Variants in MIEF2 observed in about 807,000 individuals in gnomAD.
MIEF2 encodes the protein mitochondrial dynamics protein MID49.
A neutral mutation model predicts 7.4 loss-of-function variants in MIEF2; 1 was observed. The observed-to-expected ratio is 0.14, with a 90% confidence interval of 0.05 to 0.64. MIEF2 has a LOEUF of 0.64. Ranked by LOEUF, MIEF2 falls within the 30% of genes least tolerant of loss-of-function variation. The pLI, the probability that MIEF2 is intolerant of heterozygous loss-of-function variation, is 0.85. For synonymous variants in MIEF2, 275 were observed against 290.5 expected, an observed-to-expected ratio of 0.95 and a Z score of 0.54; for missense variants, 569 against 623.9, an observed-to-expected ratio of 0.91 and a Z score of 0.94.
chr17:18,264,567 G>A lies in MIEF2; in HGVS notation c.1168G>A (p.Val390Met), dbSNP rs140156245. 534 of 1,610,764 alleles carry A rather than the reference G, an allele frequency of 3.3e-4. 1 individual carries two copies. The highest frequency in any genetic ancestry group is 4.2e-4 in the Non-Finnish European group (493 of 1,179,978). Reference protein sequence around the residue: ...QVVLRLGEDNVDWTEEALGER... With the variant: ...QVVLRLGEDNMDWTEEALGER... ...GGTCCTGCGTCTGGGGGAGGACAAC[G>A]TGGATTGGACGGAGGAGGCCTTGGG... The change falls in exon 4 of 4, where the codon GTG becomes ATG. Residue 390 changes from valine (V) to methionine (M), a missense_variant. Transcript: ENST00000323019.
chr17:18,263,565 T>C, intron 3 of MIEF2, 145 bp from the exon 4 acceptor site: 3 of 1,134,142 alleles, frequency 2.6e-6, no homozygotes, highest in Non-Finnish European at 3.7e-6. Flanking sequence ...TCACTATATG[T>C]GAGGATCTGA....
intron 1 of MIEF2, among the ~76,000 whole-genome samples, chr17:18,261,876 C>T (rs562586720): frequency 1.3e-5 from 2 of 152,370 alleles, no homozygotes; most frequent in Admixed American, 6.5e-5. Context: ...CACTGGGCAG[C>T]CCTTTCTGCC....
At position 18,264,577 on chromosome 17, in the gene MIEF2, C is replaced by T. The variant is rs771744645; in HGVS notation, c.1178C>T (p.Thr393Met). ...CTGGGGGAGGACAACGTGGATTGGA[C>T]GGAGGAGGCCTTGGGTGAGCGCTTC... ...LRLGEDNVDW[T>M]EEALGERFLQ... The change falls in exon 4 of 4, where the codon ACG becomes ATG. Residue 393 changes from threonine to methionine, a missense_variant. By Grantham distance (81) the Thr-to-Met change is moderately conservative. Coordinates refer to ENST00000323019, the MANE Select transcript of MIEF2 (RefSeq NM_139162.4). 3.8e-5 allele frequency: 62 copies of T among 1,610,672 alleles called. No homozygotes were observed. The highest frequency in any genetic ancestry group is 4.5e-5 in the Non-Finnish European group (53 of 1,179,976).
intron 1 of MIEF2, chr17:18,261,239 C>G (rs2142900949): frequency 1.3e-6 from 2 of 1,496,890 alleles, no homozygotes; most frequent in Middle Eastern, 1.7e-4. Context: ...AGTATTGATC[C>G]CCGAGTCACC....
In MIEF2 at chr17:18,264,460, G is replaced by A. The variant is rs3751981; in HGVS notation, c.1061G>A (p.Arg354Gln). 5.2e-5 allele frequency: 84 copies of A among 1,603,020 alleles called. 1 individual carries two copies. The highest frequency in any genetic ancestry group is 2.0e-4 in the East Asian group (9 of 44,884). Residue 354 changes from arginine to glutamine, a missense_variant, in exon 4 of 4, where the codon CGG (arginine) becomes CAG (glutamine). Physicochemically the swap from Arg to Gln is conservative, Grantham distance 43. Coordinates refer to ENST00000323019, the MANE Select transcript of MIEF2 (RefSeq NM_139162.4). The stretch of plus-strand genomic sequence containing the variant: ...GACGACCATGACGCTGGGACTCGCC[G>A]GCGGCTGCTGCTGCTGCTGTGTGCT... ...ALDDHDAGTR[R>Q]RLLLLLCAVC... is the part of the protein sequence containing the mutation.
At position 18,264,153 on chromosome 17, in the gene MIEF2, C is replaced by A. The variant is rs376412729; in HGVS notation, c.754C>A (p.Arg252Ser). The A allele has an allele frequency of 5.7e-6, 9 of 1,570,912 alleles. No individual in the cohort carries two copies. Among genetic ancestry groups the A allele is most frequent in the Non-Finnish European group, 6.9e-6 (8 of 1,163,590 alleles). The stretch of plus-strand genomic sequence containing the variant: ...CCTGGTCGGGGGCTACCTCTCCTCC[C>A]GCGTCCTGCTGGAGCTACTCCGCAA... The part of the protein sequence containing the change: ...RFLVGGYLSS[R>S]VLLELLRKAL... Residue 252 changes from arginine (R) to serine (S), a missense_variant, in exon 4 of 4, where the codon CGC (arginine) becomes AGC (serine). Transcript: ENST00000323019.
chr17:18,262,443 C>T (rs1978463728), intron 1 of MIEF2, among the ~76,000 whole-genome samples: 1 of 152,158 alleles, frequency 6.6e-6, no homozygotes, highest in Non-Finnish European at 1.5e-5. Flanking sequence ...CCCTCATCTC[C>T]TCATGAGAGA....
Position 18,264,593 on chromosome 17 carries a change from T to C in MIEF2, c.1194T>C (p.Gly398=), listed in dbSNP as rs751936782. 7 of 1,610,692 alleles carry C rather than the reference T, an allele frequency of 4.3e-6. No individual in the cohort carries two copies. The highest frequency in any genetic ancestry group is 5.9e-6 in the Non-Finnish European group (7 of 1,179,986). Residue 398 remains glycine (G), a synonymous_variant, in exon 4 of 4, where the codon GGT becomes GGC. Transcript: ENST00000323019. ...DNVDWTEEAL[G]ERFLQALELL... ...TGGATTGGACGGAGGAGGCCTTGGGTGAGCGCTTCCTGCAAGCCCTGGAGC... is the reference window on the plus strand; with the variant it reads ...TGGATTGGACGGAGGAGGCCTTGGGCGAGCGCTTCCTGCAAGCCCTGGAGC...
In MIEF2 at chr17:18,264,135, G is replaced by A. The variant is rs776955546; in HGVS notation, c.736G>A (p.Gly246Arg). The A allele has an allele frequency of 3.2e-6, 5 of 1,559,168 alleles. No individual in the cohort carries two copies. Among genetic ancestry groups the A allele is most frequent in the African/African-American group, 1.4e-5 (1 of 73,934 alleles). Residue 246 changes from glycine to arginine, a missense_variant, in exon 4 of 4, where the codon GGG (glycine) becomes AGG (arginine). By Grantham distance (125) the Gly-to-Arg change is moderately radical. Coordinates refer to ENST00000323019, the MANE Select transcript of MIEF2 (RefSeq NM_139162.4). Reference protein sequence around the residue: ...GSSPWDRFLVGGYLSSRVLLE... With the variant: ...GSSPWDRFLVRGYLSSRVLLE... ...CAGCCCCTGGGACCGCTTCCTGGTC[G>A]GGGGCTACCTCTCCTCCCGCGTCCT...
intron 1 of MIEF2, 128 bp from the exon 2 acceptor site, chr17:18,262,582 CAGAA>C: frequency 1.2e-6 from 1 of 843,286 alleles, no homozygotes; most frequent in South Asian, 2.8e-5. Flanking sequence ...GAGAAATTCT[CAGAA>C]AGCCCCCCTC....
Position 18,263,121 on chromosome 17 carries a change from T to C in MIEF2, c.183T>C (p.Asp61=). The C allele has an allele frequency of 6.2e-7, 1 of 1,613,602 alleles. No homozygotes were observed. The highest frequency in any genetic ancestry group is 8.5e-7 in the Non-Finnish European group (1 of 1,180,028). The stretch of plus-strand genomic sequence containing the variant: ...GGGCCACTAGCCCGCGGGATGAGGA[T>C]GACACCAAGGCAGACAGCTGGAAGG... ...IDRATSPRDE[D]DTKADSWKEL... Residue 61 remains aspartate, a synonymous_variant, in exon 3 of 4, where the codon GAT becomes GAC. Coordinates refer to ENST00000323019, the MANE Select transcript of MIEF2 (RefSeq NM_139162.4).
Position 18,260,707 on chromosome 17 carries a change from C to T in MIEF2, c.-38C>T, listed in dbSNP as rs535843686. On this transcript the variant is annotated 5_prime_UTR_variant, in exon 1 of 4. Coordinates refer to ENST00000323019, the MANE Select transcript of MIEF2 (RefSeq NM_139162.4). ...TCCGGGGCCGTGGTCCCGCTGCCTCCTCCGGTCGTCGTGCGGAAGCTGCGA... is the reference window on the plus strand; with the variant it reads ...TCCGGGGCCGTGGTCCCGCTGCCTCTTCCGGTCGTCGTGCGGAAGCTGCGA... 12 of 205,442 alleles carry T rather than the reference C, an allele frequency of 5.8e-5. No homozygotes were observed. The highest frequency in any genetic ancestry group is 2.6e-4 in the African/African-American group (11 of 42,200). The allele number at this position is 205,442 out of a possible 1,614,324, so 12.7% of individuals were successfully genotyped here.
chr17:18,264,993 C>T lies in MIEF2; in HGVS notation c.*229C>T. On this transcript the variant is annotated 3_prime_UTR_variant, in exon 4 of 4. Transcript: ENST00000323019. Reference sequence around the variant, plus strand: ...AGTGCAGCTGGGCTGCCTCAGGCAGCTTGGAGTGCCAGCCATTCCTGCAAG... The same window carrying T: ...AGTGCAGCTGGGCTGCCTCAGGCAGTTTGGAGTGCCAGCCATTCCTGCAAG... The T allele has an allele frequency of 1.5e-6, 1 of 661,342 alleles. No homozygotes were observed. Among genetic ancestry groups the T allele is most frequent in the South Asian group, 2.8e-5 (1 of 35,916 alleles). The allele number at this position is 661,342 out of a possible 1,614,324, so 41.0% of individuals were successfully genotyped here. A position where few individuals can be genotyped will look rare whatever the true frequency, so the allele number is the denominator to read the frequency against.
In MIEF2 at chr17:18,266,327, C is replaced by T. The variant is rs1229842068; in HGVS notation, c.*1563C>T. On this transcript the variant is annotated 3_prime_UTR_variant, in exon 4 of 4. Transcript: ENST00000323019. ...GGGAATTCAAGACCAGGCTGACCAA[C>T]GTGGAGAAACTCCATCTCTGGTAAA... 6 of 151,316 alleles carry T rather than the reference C, an allele frequency of 4.0e-5. No homozygotes were observed. Among genetic ancestry groups the T allele is most frequent in the Admixed American group, 3.3e-4 (5 of 15,138 alleles). The allele number at this position is 151,316 out of a possible 1,614,324, so 9.4% of individuals were successfully genotyped here.
chr17:18,265,017 A>G lies in MIEF2; in HGVS notation c.*253A>G, dbSNP rs1978672888. The G allele has an allele frequency of 1.9e-6, 1 of 518,366 alleles. No homozygotes were observed. Among genetic ancestry groups the G allele is most frequent in the African/African-American group, 1.9e-5 (1 of 52,720 alleles). 32.1% of individuals were successfully genotyped at this position (518,366 alleles called of 1,614,324 possible). On this transcript the variant is annotated 3_prime_UTR_variant, in exon 4 of 4. Transcript: ENST00000323019. ...GCTTGGAGTGCCAGCCATTCCTGCA[A>G]GCACCGTTTCAGCTCTTGGGGCCAA...
chr17:18,262,800 A>G lies in MIEF2; in HGVS notation c.80A>G (p.Asn27Ser), dbSNP rs754200848. 1.9e-6 allele frequency: 3 copies of G among 1,582,620 alleles called. No homozygotes were observed. Among genetic ancestry groups the G allele is most frequent in the Admixed American group, 1.8e-5 (1 of 54,656 alleles). The change falls in exon 2 of 4, where the codon AAT becomes AGT. Residue 27 changes from asparagine (N) to serine (S), a missense_variant. Physicochemically the swap from Asn to Ser is conservative, Grantham distance 46. Coordinates refer to ENST00000323019, the MANE Select transcript of MIEF2 (RefSeq NM_139162.4). ...LGSMVDFLLA[N>S]ARLVLGVGGA... ...AGCATGGTGGACTTCCTCCTGGCCA[A>G]TGCCCGCCTGGTGCTGGGCGTGGGC...
chr17:18,261,488 A>G (rs912726270), intron 1 of MIEF2, among the ~76,000 whole-genome samples: 5 of 152,130 alleles, frequency 3.3e-5, no homozygotes, highest in Non-Finnish European at 7.4e-5. Context: ...CTGTGACCTC[A>G]TGGTCATCTG....
chr17:18,261,821 C>T (rs2142901853), intron 1 of MIEF2, among the ~76,000 whole-genome samples: 1 of 152,354 alleles, frequency 6.6e-6, no homozygotes, highest in Middle Eastern at 3.4e-3. Flanking sequence ...ACTACCTACA[C>T]ATTGTCCCAA....
rs1978686279 is a variant in MIEF2 at position 18,265,259 on chromosome 17, CT to C, written c.*496del. 1 of 155,076 alleles carries C rather than the reference CT, an allele frequency of 6.4e-6. No individual in the cohort carries two copies. Among genetic ancestry groups the C allele is most frequent in the South Asian group, 2.0e-4 (1 of 4,998 alleles). 9.6% of individuals were successfully genotyped at this position (155,076 alleles called of 1,614,324 possible). A position where few individuals can be genotyped will look rare whatever the true frequency, so the allele number is the denominator to read the frequency against. ...TCTGTCCCCCAGGGGCTGGAGTCAC[CT>C]GGTGCCCCTGAAGGACAGATTTTTG... On this transcript the variant is annotated 3_prime_UTR_variant, in exon 4 of 4. Coordinates refer to ENST00000323019, the MANE Select transcript of MIEF2 (RefSeq NM_139162.4).
Sources: allele counts gnomAD v4.1 joint callset (sites outside exome capture counted in the v4.1 genomes callset), GRCh38; gene constraint gnomAD v4.1.1; transcripts MANE v1.5; gene names NCBI Gene and HGNC (gene_info 2026-07-23, HGNC 2026-07-21).